Variants in CDK17 observed in about 807,000 individuals in gnomAD.
CDK17 encodes cyclin dependent kinase 17.
Under a neutral mutation model 77.6 loss-of-function variants are expected in CDK17, and 24 were observed. The observed-to-expected ratio is 0.31, with a 90% CI of 0.22 to 0.44. The LOEUF (loss-of-function observed/expected upper bound fraction) is 0.44, where lower values mean the gene tolerates loss of function less well. Ranked by LOEUF, CDK17 falls within the 20% of genes least tolerant of loss-of-function variation. The probability of loss-of-function intolerance (pLI) is 1.00; values close to 1 mark genes in which losing one functional copy is unlikely to be tolerated. For synonymous variants in CDK17, 203 were observed against 210.4 expected (o/e 0.96, Z 0.30); for missense variants, 429 against 622.5 (o/e 0.69, Z 3.31).
intron 5 of CDK17, among the ~76,000 whole-genome samples, chr12:96,304,733 C>T (rs1952555031): frequency 6.6e-6 from 1 of 152,114 alleles, no homozygotes; most frequent in South Asian, 2.1e-4. Context: ...TTATCATCAC[C>T]ACAATACCAC....
In CDK17 at chr12:96,327,365, A is replaced by G. The variant is rs182964807; in HGVS notation, c.119-3253T>C. 3.3e-3 allele frequency among the ~76,000 whole-genome samples: 505 copies of G among 152,276 alleles called. 8 individuals carry two copies. Among genetic ancestry groups the G allele is most frequent in the African/African-American group, 0.012 (478 of 41,554 alleles). ...GGAGATTACTACAGTACCCTAAGTA[A>G]CAAATGTTGGTGGCTTAGACTAGGG... On this transcript the variant is annotated intron_variant, in intron 2 of 16. Transcript: ENST00000261211.
intron 9 of CDK17, among the ~76,000 whole-genome samples, 175 bp downstream of exon 9, chr12:96,297,095 T>C (rs141337557): frequency 7.0e-4 from 106 of 152,286 alleles, no homozygotes; most frequent in African/African-American, 2.5e-3. Context: ...AAGAAAGCTA[T>C]AGTGTAGTAA....
chr12:96,307,122 C>A (rs1192392811), intron 5 of CDK17, among the ~76,000 whole-genome samples: 3 of 152,004 alleles, frequency 2.0e-5, no homozygotes, highest in African/African-American at 4.8e-5. Flanking sequence ...ATGGAGAAAC[C>A]CCATCTCTAC....
intron 1 of CDK17, among the ~76,000 whole-genome samples, chr12:96,377,500 C>A (rs1416693125): frequency 6.6e-6 from 1 of 152,150 alleles, no homozygotes; most frequent in African/African-American, 2.4e-5. Context: ...GAAAAAATGT[C>A]CAATGTCATT....
intron 2 of CDK17, among the ~76,000 whole-genome samples, chr12:96,334,033 C>T (rs1953007323): frequency 6.6e-6 from 1 of 152,182 alleles, no homozygotes; most frequent in East Asian, 1.9e-4. Context: ...CCATGCTTTC[C>T]AGCCACTGCC....
In CDK17 at chr12:96,289,232, T is replaced by C. The variant is rs45574339; in HGVS notation, c.1053A>G (p.Thr351=). The C allele has an allele frequency of 1.6e-5, 26 of 1,613,896 alleles. No homozygotes were observed. The highest frequency in any genetic ancestry group is 2.2e-5 in the East Asian group (1 of 44,888). ...PTKTYSNEVV[T]LWYRPPDVLL... ...GCACATCAGGTGGCCGGTACCATAG[T>C]GTGACAACTTCATTTGAGTAGGTCT... Residue 351 remains threonine, a synonymous_variant, in exon 11 of 17, where the codon ACA becomes ACG. Transcript: ENST00000261211.
intron 5 of CDK17, chr12:96,303,569 A>T (rs1477708999): frequency 6.6e-6 from 1 of 152,184 alleles, no homozygotes; most frequent in African/African-American, 2.4e-5. Context: ...ACAAATGAAG[A>T]TAATTTTTTC....
intron 1 of CDK17, among the ~76,000 whole-genome samples, chr12:96,394,089 T>C (rs545840698): frequency 6.5e-4 from 98 of 151,724 alleles, no homozygotes; most frequent in Non-Finnish European, 9.3e-4. Context: ...CTACTAAAAA[T>C]ACAAAAATTA....
At chr12:96,314,378 ATTTTT>A (rs869083454) in intron 3 of CDK17, among the ~76,000 whole-genome samples, 1 of 147,716 alleles carries the variant, frequency 6.8e-6, no homozygotes, top group Admixed American at 6.7e-5. Flanking sequence ...ATTTTATTTT[ATTTTT>A]TTTGTAGAGA....
chr12:96,373,941 T>C (rs1176087943), intron 1 of CDK17, among the ~76,000 whole-genome samples: 2 of 152,014 alleles, frequency 1.3e-5, no homozygotes, highest in Non-Finnish European at 2.9e-5. Flanking sequence ...AGAGCAAGAC[T>C]CCGTCTCAAA....
chr12:96,331,520 C>CA (rs1489967769), intron 2 of CDK17, among the ~76,000 whole-genome samples: 5 of 151,774 alleles, frequency 3.3e-5, no homozygotes, highest in African/African-American at 1.2e-4. Flanking sequence ...TCCTTGGGTT[C>CA]AACCCACCTG....
chr12:96,328,328 T>C (rs1952917379), intron 2 of CDK17, among the ~76,000 whole-genome samples: 1 of 152,012 alleles, frequency 6.6e-6, no homozygotes, highest in Admixed American at 6.6e-5. Context: ...TATATTACAA[T>C]ATAATAATAA....
chr12:96,299,684 C>G (rs1209304563), intron 6 of CDK17, among the ~76,000 whole-genome samples: 1 of 152,162 alleles, frequency 6.6e-6, no homozygotes, highest in African/African-American at 2.4e-5. Context: ...CCACCGCGCC[C>G]GGCAATCATA....
At chr12:96,334,537 G>C (rs113162436) in intron 2 of CDK17, among the ~76,000 whole-genome samples, 182 bp downstream of exon 2, 58 of 152,214 alleles carry the variant, frequency 3.8e-4, no homozygotes, top group African/African-American at 1.4e-3. Context: ...TGGAGTGAGA[G>C]GGAAATATTC....
rs1001987935 is a variant in CDK17 at position 96,297,833 on chromosome 12, G to A, written c.716-112C>T. On this transcript the variant is annotated intron_variant, in intron 7 of 16. Transcript: ENST00000261211. ...ATTCTCTTAAGTTTAGGTCTTGGGC[G>A]GTGGCTCACCCCTATAATCCCAGCA... is the stretch of plus-strand genomic sequence containing the variant. 21 of 600,272 alleles carry A rather than the reference G, an allele frequency of 3.5e-5. No homozygotes were observed. The East Asian group carries it at 3.7e-4, about 11-fold the overall frequency. 37.2% of individuals were successfully genotyped at this position (600,272 alleles called of 1,614,324 possible). A position where few individuals can be genotyped will look rare whatever the true frequency, so the allele number is the denominator to read the frequency against.
Position 96,280,215 on chromosome 12 carries a change from G to T in CDK17, c.*27C>A. The stretch of plus-strand genomic sequence containing the variant: ...CCTTGATTGGTAAGAAAGGCTGGGG[G>T]CTGGGCTTGAAACCATGTTATCAGA... On this transcript the variant is annotated 3_prime_UTR_variant, in exon 17 of 17. Coordinates refer to ENST00000261211, the MANE Select transcript of CDK17 (RefSeq NM_002595.5). 6.5e-7 allele frequency: 1 copy of T among 1,548,378 alleles called. No individual in the cohort carries two copies. Among genetic ancestry groups the T allele is most frequent in the African/African-American group, 1.4e-5 (1 of 72,970 alleles).
intron 8 of CDK17, 123 bp from the exon 9 acceptor site, chr12:96,297,455 ATAATT>A: frequency 1.3e-6 from 1 of 752,224 alleles, no homozygotes; most frequent in Non-Finnish European, 2.2e-6. Flanking sequence ...CACCATACAC[ATAATT>A]TAATGAAAAA....
intron 15 of CDK17, 135 bp from the exon 16 acceptor site, chr12:96,281,020 AT>A (rs1952172807): frequency 1.4e-6 from 1 of 737,490 alleles, no homozygotes. Flanking sequence ...CCCTGCTGAA[AT>A]TTTTCCTTTT....
At chr12:96,346,162 A>G (rs1443695917) in intron 1 of CDK17, among the ~76,000 whole-genome samples, 1 of 152,110 alleles carries the variant, frequency 6.6e-6, no homozygotes, top group Non-Finnish European at 1.5e-5. Context: ...TACTAAAAAC[A>G]CAAAAATTGG....
Sources: allele counts gnomAD v4.1 joint callset (sites outside exome capture counted in the v4.1 genomes callset), GRCh38; gene constraint gnomAD v4.1.1; transcripts MANE v1.5; gene names NCBI Gene and HGNC (gene_info 2026-07-23, HGNC 2026-07-21).